AK9: variants seen among roughly 807,000 people sequenced by gnomAD.
AK9 encodes the protein adenylate kinase 9.
Under a neutral mutation model 239.6 loss-of-function variants are expected in AK9, and 191 were observed. The observed-to-expected ratio is 0.80, with a 90% CI of 0.71 to 0.90. AK9 has a LOEUF of 0.90. AK9 is among the 40% of genes least tolerant of loss of function. The pLI, the probability that AK9 is intolerant of heterozygous loss-of-function variation, is 0.00. For synonymous variants in AK9, 689 were observed against 721.0 expected, an observed-to-expected ratio of 0.96 and a Z score of 0.71; for missense variants, 1,995 against 2,214.7, an observed-to-expected ratio of 0.90 and a Z score of 1.99.
In AK9 at chr6:109,494,028, A is replaced by C; in HGVS notation, c.5486T>G (p.Leu1829Ter). ...TAGCAGTGCAGATCTCCTTATACTTAAAAAGGGGAACTTGGGCTTTAAGCA... is the reference window on the plus strand; with the variant it reads ...TAGCAGTGCAGATCTCCTTATACTTCAAAAGGGGAACTTGGGCTTTAAGCA... ...AGCLKPKFPF[L>*]SIRRSALLYI... Residue 1829 changes from leucine (L) to a stop codon, truncating the protein, a stop_gained, in exon 40 of 41, where the codon TTA becomes TGA. Transcript: ENST00000424296. LOFTEE classifies it high-confidence loss of function. The C allele has an allele frequency of 6.2e-7, 1 of 1,613,236 alleles. No homozygotes were observed. The highest frequency in any genetic ancestry group is 8.5e-7 in the Non-Finnish European group (1 of 1,179,376).
chr6:109,494,879 A>C (rs1776877661), intron 39 of AK9, among the ~76,000 whole-genome samples: 1 of 152,224 alleles, frequency 6.6e-6, no homozygotes, highest in South Asian at 2.1e-4. Context: ...ACTTAAATAG[A>C]ATAAATAAAT....
At chr6:109,552,086 G>GTA (rs1347143642) in intron 24 of AK9, among the ~76,000 whole-genome samples, 4 of 152,018 alleles carry the variant, frequency 2.6e-5, no homozygotes, top group Non-Finnish European at 5.9e-5. Context: ...GCATCCCATG[G>GTA]TATATATATA....
At chr6:109,591,128 C>G (rs186435461) in intron 17 of AK9, among the ~76,000 whole-genome samples, 132 of 152,046 alleles carry the variant, frequency 8.7e-4, no homozygotes, top group African/African-American at 2.9e-3. Context: ...CTGAAGTCCC[C>G]TACTATGATT....
At chr6:109,595,950 T>C (rs181979192) in intron 17 of AK9, among the ~76,000 whole-genome samples, 1 of 152,004 alleles carries the variant, frequency 6.6e-6, no homozygotes, top group South Asian at 2.1e-4. Context: ...TGTATACCTA[T>C]GTAACAAACC....
At chr6:109,629,896 G>A (rs1396278018) in intron 12 of AK9, among the ~76,000 whole-genome samples, 3 of 152,096 alleles carry the variant, frequency 2.0e-5, no homozygotes, top group South Asian at 2.1e-4. Context: ...GCCTCCCAAC[G>A]TGCTGGGATT....
At chr6:109,670,830 G>A (rs903104695) in intron 5 of AK9, among the ~76,000 whole-genome samples, 1 of 151,980 alleles carries the variant, frequency 6.6e-6, no homozygotes, top group South Asian at 2.1e-4. Context: ...CCATATTCTG[G>A]ATATTTTGCC....
At chr6:109,533,142 C>T in intron 28 of AK9, 109 bp downstream of exon 28, 2 of 768,076 alleles carry the variant, frequency 2.6e-6, no homozygotes, top group South Asian at 3.0e-5. Flanking sequence ...TTCATGCTTA[C>T]TGTGGTATTA....
intron 27 of AK9, among the ~76,000 whole-genome samples, chr6:109,539,459 C>T (rs968740607): frequency 4.6e-5 from 7 of 152,180 alleles, no homozygotes; most frequent in Admixed American, 1.3e-4. Context: ...TTCATCAGGT[C>T]CTTTAAGGAG....
intron 7 of AK9, among the ~76,000 whole-genome samples, chr6:109,658,684 A>C (rs1375773335): frequency 6.6e-6 from 1 of 152,178 alleles, no homozygotes; most frequent in Admixed American, 6.5e-5. Context: ...TAAATATATT[A>C]TTCAAATGAC....
intron 5 of AK9, among the ~76,000 whole-genome samples, chr6:109,666,709 C>T (rs568476574): frequency 1.3e-5 from 2 of 152,368 alleles, no homozygotes; most frequent in East Asian, 3.9e-4. Context: ...CAGACTACTG[C>T]TTTCAGATTG....
chr6:109,624,230 C>T (rs1795244839), intron 12 of AK9, among the ~76,000 whole-genome samples: 2 of 152,048 alleles, frequency 1.3e-5, no homozygotes, highest in Admixed American at 1.3e-4. Context: ...TCTAGGCTTC[C>T]AGGCCTGCAG....
chr6:109,565,763 AAAAGT>A, intron 21 of AK9, among the ~76,000 whole-genome samples: 1 of 152,310 alleles, frequency 6.6e-6, no homozygotes, highest in East Asian at 1.9e-4. Context: ...TTGCATAGAC[AAAAGT>A]ACATATATCT....
intron 20 of AK9, among the ~76,000 whole-genome samples, chr6:109,575,570 G>A (rs1324692143): frequency 1.3e-5 from 2 of 151,988 alleles, no homozygotes; most frequent in Non-Finnish European, 1.5e-5. Flanking sequence ...TTAGATTCTG[G>A]ATATTAGTCC....
chr6:109,509,799 C>A (rs995055014), intron 32 of AK9, among the ~76,000 whole-genome samples: 2 of 152,224 alleles, frequency 1.3e-5, no homozygotes, highest in African/African-American at 4.8e-5. Context: ...CAAGCAGGAA[C>A]CCTGCCCCTT....
At chr6:109,635,399 G>A (rs1796593745) in intron 10 of AK9, among the ~76,000 whole-genome samples, 1 of 152,214 alleles carries the variant, frequency 6.6e-6, no homozygotes, top group Non-Finnish European at 1.5e-5. Context: ...GAAGGGGAAT[G>A]AATGGAGAGC....
intron 21 of AK9, among the ~76,000 whole-genome samples, chr6:109,567,637 A>G (rs1786757416): frequency 6.6e-6 from 1 of 151,098 alleles, no homozygotes; most frequent in African/African-American, 2.4e-5. Context: ...GCAAGGACAG[A>G]AAACCAAACA....
At chr6:109,648,804 A>G (rs976072388) in intron 8 of AK9, among the ~76,000 whole-genome samples, 5 of 152,212 alleles carry the variant, frequency 3.3e-5, no homozygotes, top group Non-Finnish European at 5.9e-5. Context: ...AGAATTTTAG[A>G]CCAATATCCT....
chr6:109,590,788 T>C (rs1269393153), intron 17 of AK9, among the ~76,000 whole-genome samples: 1 of 152,226 alleles, frequency 6.6e-6, no homozygotes, highest in Non-Finnish European at 1.5e-5. Context: ...CCAACAATCA[T>C]TCAGGAGCAG....
At chr6:109,648,111 G>C (rs1234143377) in intron 8 of AK9, among the ~76,000 whole-genome samples, 1 of 151,982 alleles carries the variant, frequency 6.6e-6, no homozygotes, top group Non-Finnish European at 1.5e-5. Context: ...GAAATTTATA[G>C]CACTAAATGC....
Sources: allele counts gnomAD v4.1 joint callset (sites outside exome capture counted in the v4.1 genomes callset), GRCh38; gene constraint gnomAD v4.1.1; transcripts MANE v1.5; gene names NCBI Gene and HGNC (gene_info 2026-07-23, HGNC 2026-07-21).